The following STIM2 variants were observed in gnomAD, a reference collection of about 807,000 sequenced individuals.
STIM2 encodes stromal interaction molecule 2.
A neutral mutation model predicts 85.8 loss-of-function variants in STIM2; 31 were observed. That is an observed-to-expected ratio of 0.36 (90% CI 0.27 to 0.49). STIM2 has a LOEUF of 0.49. STIM2 is among the 20% of genes least tolerant of loss of function. The pLI is 0.98. For missense variants in STIM2, 841 were observed against 927.6 expected (o/e 0.91, Z 1.21); for synonymous variants, 356 against 331.1 (o/e 1.08, Z -0.82).
At chr4:26,982,924 T>C (rs1727451786) in intron 3 of STIM2, among the ~76,000 whole-genome samples, 1 of 152,204 alleles carries the variant, frequency 6.6e-6, no homozygotes, top group African/African-American at 2.4e-5. Flanking sequence ...CTTAATATGT[T>C]TACGTAGTTG....
At chr4:26,884,122 T>C (rs978633067) in intron 1 of STIM2, among the ~76,000 whole-genome samples, 5 of 152,196 alleles carry the variant, frequency 3.3e-5, no homozygotes, top group African/African-American at 4.8e-5. Flanking sequence ...CAAATGCAAG[T>C]TGGGCTTGAG....
chr4:26,988,785 T>C (rs951321142), intron 3 of STIM2, among the ~76,000 whole-genome samples: 6 of 152,210 alleles, frequency 3.9e-5, no homozygotes, highest in African/African-American at 9.6e-5. Flanking sequence ...ATGTTAGCAG[T>C]TTTCATCGCT....
intron 1 of STIM2, among the ~76,000 whole-genome samples, chr4:26,913,581 A>T (rs1002702459): frequency 6.6e-6 from 1 of 152,180 alleles, no homozygotes; most frequent in African/African-American, 2.4e-5. Context: ...GATTTCTACT[A>T]ACTACTTAGG....
chr4:26,975,682 T>C (rs1462191886), intron 3 of STIM2, among the ~76,000 whole-genome samples: 1 of 152,210 alleles, frequency 6.6e-6, no homozygotes, highest in Non-Finnish European at 1.5e-5. Context: ...TACTGGGTGA[T>C]GTCTCCCAGT....
At position 27,023,047 on chromosome 4, in the gene STIM2, C is replaced by T; in HGVS notation, c.*51C>T. On this transcript the variant is annotated 3_prime_UTR_variant, in exon 12 of 12. Transcript: ENST00000467087. ...TCAAGTGGCATCTGTAAACTATTAT[C>T]CCCCACCCTCCACTCCCCACCTTTT... 6.6e-7 allele frequency: 1 copy of T among 1,524,122 alleles called. No individual in the cohort carries two copies. Among genetic ancestry groups the T allele is most frequent in the African/African-American group, 1.4e-5 (1 of 72,550 alleles). The allele number at this position is 1,524,122 out of a possible 1,614,324, so 94.4% of individuals were successfully genotyped here. A position where few individuals can be genotyped will look rare whatever the true frequency, so the allele number is the denominator to read the frequency against.
At chr4:26,872,516 A>G (rs1164180505) in intron 1 of STIM2, among the ~76,000 whole-genome samples, 1 of 152,256 alleles carries the variant, frequency 6.6e-6, no homozygotes, top group Non-Finnish European at 1.5e-5. Flanking sequence ...TAACAAAGAT[A>G]ACATCAAAAT....
At position 27,022,633 on chromosome 4, in the gene STIM2, A is replaced by G. The variant is rs1728950843; in HGVS notation, c.1878A>G (p.Ser626=). Residue 626 remains serine (S), a synonymous_variant, in exon 12 of 12, where the codon TCA becomes TCG. Coordinates refer to ENST00000467087, the MANE Select transcript of STIM2 (RefSeq NM_020860.4). ...AAACATTATCTCCGCGAAAGATATCAAGAGATGAGGTGTCCCTAGAGGATT... is the reference window on the plus strand; with the variant it reads ...AAACATTATCTCCGCGAAAGATATCGAGAGATGAGGTGTCCCTAGAGGATT... 6 of 1,614,058 alleles carry G rather than the reference A, an allele frequency of 3.7e-6. No homozygotes were observed. The highest frequency in any genetic ancestry group is 5.1e-6 in the Non-Finnish European group (6 of 1,180,006).
chr4:26,885,014 T>G (rs1228751262), intron 1 of STIM2, among the ~76,000 whole-genome samples: 2 of 152,212 alleles, frequency 1.3e-5, no homozygotes, highest in Non-Finnish European at 2.9e-5. Context: ...TCAAATTATT[T>G]CTAAAACGTG....
intron 2 of STIM2, 110 bp downstream of exon 2, chr4:26,919,744 A>T (rs1178578132): frequency 4.7e-6 from 6 of 1,271,512 alleles, no homozygotes; most frequent in Non-Finnish European, 6.4e-6. Context: ...CTTCATCTTC[A>T]ACATCTTTAA....
intron 1 of STIM2, among the ~76,000 whole-genome samples, chr4:26,894,898 T>C (rs1308094025): frequency 6.6e-6 from 1 of 152,196 alleles, no homozygotes; most frequent in Admixed American, 6.5e-5. Flanking sequence ...TAACATTCAG[T>C]CATCCAGTCT....
intron 2 of STIM2, among the ~76,000 whole-genome samples, chr4:26,951,107 GT>G (rs1338184122): frequency 6.6e-6 from 1 of 152,032 alleles, no homozygotes; most frequent in Non-Finnish European, 1.5e-5. Flanking sequence ...TTTGTCAAAT[GT>G]TTATTACTGG....
intron 2 of STIM2, among the ~76,000 whole-genome samples, chr4:26,933,153 C>A (rs755241057): frequency 9.9e-5 from 15 of 151,038 alleles, no homozygotes; most frequent in Non-Finnish European, 2.1e-4. Flanking sequence ...AAGTCATAGG[C>A]CAGCACTTCT....
At chr4:27,019,087 G>T (rs915001758) in intron 11 of STIM2, among the ~76,000 whole-genome samples, 2 of 152,144 alleles carry the variant, frequency 1.3e-5, no homozygotes, top group Non-Finnish European at 2.9e-5. Flanking sequence ...AAGCAGTATG[G>T]TATTGAGTGG....
chr4:27,015,392 CT>C (rs1008226630), intron 10 of STIM2, among the ~76,000 whole-genome samples: 10 of 151,948 alleles, frequency 6.6e-5, no homozygotes, highest in African/African-American at 2.2e-4. Flanking sequence ...TTTAGATATA[CT>C]TATGTGTTTA....
At position 26,898,890 on chromosome 4, in the gene STIM2, C is replaced by T. The variant is rs1264745166; in HGVS notation, c.152-20614C>T. 4.6e-5 allele frequency among the ~76,000 whole-genome samples: 7 copies of T among 152,090 alleles called. No individual in the cohort carries two copies. In the South Asian group the frequency reaches 1.2e-3, roughly 27 times the overall value. On this transcript the variant is annotated intron_variant, in intron 1 of 11. Transcript: ENST00000467087. ...TTTTTACACATTTAAAAAAATTTAG[C>T]AATCTTTCTAAATTCTTGTTAATTT...
At chr4:26,961,306 AGT>A (rs1726451086) in intron 3 of STIM2, among the ~76,000 whole-genome samples, 2 of 152,190 alleles carry the variant, frequency 1.3e-5, no homozygotes, top group African/African-American at 4.8e-5. Context: ...CTGTATTGGC[AGT>A]TAGTACACCT....
At chr4:26,979,712 C>T (rs1727312747) in intron 3 of STIM2, among the ~76,000 whole-genome samples, 1 of 152,034 alleles carries the variant, frequency 6.6e-6, no homozygotes, top group Non-Finnish European at 1.5e-5. Flanking sequence ...TATGGAATTA[C>T]AAAGAGTTTT....
At chr4:26,870,861 G>A (rs1395235473) in intron 1 of STIM2, among the ~76,000 whole-genome samples, 1 of 151,734 alleles carries the variant, frequency 6.6e-6, no homozygotes, top group Non-Finnish European at 1.5e-5. Flanking sequence ...TACTAATTTT[G>A]ATGTGGAGAT....
At chr4:26,937,887 T>C (rs1299156640) in intron 2 of STIM2, among the ~76,000 whole-genome samples, 1 of 152,232 alleles carries the variant, frequency 6.6e-6, no homozygotes, top group Admixed American at 6.5e-5. Context: ...GGTTTATCAG[T>C]CTGAGTCTTT....
Sources: gnomAD v4.1 joint callset for allele counts (sites outside exome capture counted in the v4.1 genomes callset) on GRCh38, gnomAD v4.1.1 for gene constraint, MANE v1.5 for transcripts, NCBI Gene and HGNC (gene_info 2026-07-23, HGNC 2026-07-21) for gene names.